AKR7A3: variants seen among roughly 807,000 people sequenced by gnomAD.
The protein encoded by AKR7A3 is AFB1 aldehyde reductase 2.
A neutral mutation model predicts 32.5 loss-of-function variants in AKR7A3; 37 were observed. The ratio of observed to expected loss-of-function variants is 1.14; its 90% CI spans 0.88 to 1.50. AKR7A3 has a LOEUF of 1.50. AKR7A3 is among the 40% of genes most tolerant of loss of function. The probability of loss-of-function intolerance (pLI) is 0.00; values close to 1 mark genes in which losing one functional copy is unlikely to be tolerated. For synonymous variants in AKR7A3, 177 were observed against 188.4 expected (o/e 0.94, Z 0.50); for missense variants, 412 against 453.2 (o/e 0.91, Z 0.83).
chr1:19,288,369 G>A, intron 1 of AKR7A3, 127 bp downstream of exon 1: 11 of 1,211,544 alleles, frequency 9.1e-6, no homozygotes, highest in South Asian at 1.5e-5. Flanking sequence ...AGGTGAACAG[G>A]GGTGGGGGCG....
rs1160190570 is a variant in AKR7A3 at position 19,288,634 on chromosome 1, G to C, written c.76C>G (p.Pro26Ala). The change falls in exon 1 of 7, where the codon CCC becomes GCC. Residue 26 changes from proline to alanine, a missense_variant. Pro to Ala is a conservative substitution (Grantham distance 27). Coordinates refer to ENST00000361640, the MANE Select transcript of AKR7A3 (RefSeq NM_012067.3). ...AMEMGRRMDA[P>A]TSAAVTRAFL... is the part of the protein sequence containing the mutation. ...GCGCGCGTGACTGCGGCGCTGGTGGGCGCGTCCATGCGGCGCCCCATCTCC... is the reference window on the plus strand; with the variant it reads ...GCGCGCGTGACTGCGGCGCTGGTGGCCGCGTCCATGCGGCGCCCCATCTCC... 16 of 1,551,728 alleles carry C rather than the reference G, an allele frequency of 1.0e-5. No individual in the cohort carries two copies. The highest frequency in any genetic ancestry group is 2.6e-6 in the Non-Finnish European group (3 of 1,150,006).
chr1:19,283,337 C>T (rs1187679556), intron 6 of AKR7A3, among the ~76,000 whole-genome samples: 1 of 151,754 alleles, frequency 6.6e-6, no homozygotes, highest in Non-Finnish European at 1.5e-5. Context: ...GAGAGGGAAA[C>T]TCCAGCTCCC....
chr1:19,288,034 C>T (rs2093733962), intron 1 of AKR7A3, among the ~76,000 whole-genome samples: 1 of 152,164 alleles, frequency 6.6e-6, no homozygotes. Flanking sequence ...AAGGAGGAAG[C>T]AGATAGTGTG....
chr1:19,288,644 GCGGCGCC>G lies in AKR7A3; in HGVS notation c.59_65del (p.Gly20AlafsTer22), dbSNP rs2093735539. ...CTGCGGCGCTGGTGGGCGCGTCCATGCGGCGCCCCATCTCCATGGCGCCCAGCACCGT... is the reference window on the plus strand; with the variant it reads ...CTGCGGCGCTGGTGGGCGCGTCCATGCCATCTCCATGGCGCCCAGCACCGT... On this transcript the variant is annotated frameshift_variant, in exon 1 of 7. Transcript: ENST00000361640. LOFTEE classifies it high-confidence loss of function. The G allele has an allele frequency of 6.4e-7, 1 of 1,551,790 alleles. No individual in the cohort carries two copies. The highest frequency in any genetic ancestry group is 8.7e-7 in the Non-Finnish European group (1 of 1,150,670).
the AKR7A3 span, among the ~76,000 whole-genome samples, chr1:19,276,880 G>GA: frequency 6.6e-6 from 1 of 151,800 alleles, no homozygotes; most frequent in Non-Finnish European, 1.5e-5. Flanking sequence ...TGGAGGTTGA[G>GA]GCAGGCAGAT....
At chr1:19,284,271 G>T (rs2093724736) in intron 5 of AKR7A3, 146 bp from the exon 6 acceptor site, 3 of 1,186,518 alleles carry the variant, frequency 2.5e-6, no homozygotes, top group African/African-American at 3.1e-5. Flanking sequence ...ACTTTGCTGG[G>T]CAAGAGAACC....
At chr1:19,274,899 C>CAAAAAAAAAAAAAAAAA in the AKR7A3 span, among the ~76,000 whole-genome samples, 1,919 of 43,752 alleles carry the variant, frequency 0.044, 439 homozygotes, top group Non-Finnish European at 0.052. Flanking sequence ...TCTCTAAATA[C>CAAAAAAAAAAAAAAAAA]AAAAAAAAAA....
chr1:19,287,355 C>G (rs1333972817), intron 1 of AKR7A3, among the ~76,000 whole-genome samples: 1 of 151,402 alleles, frequency 6.6e-6, no homozygotes, highest in East Asian at 1.9e-4. Flanking sequence ...CACTGAGTGG[C>G]AGCCGGGTGA....
chr1:19,284,919 A>G, intron 4 of AKR7A3, 99 bp downstream of exon 4: 1 of 1,581,794 alleles, frequency 6.3e-7, no homozygotes. Context: ...TTGACCTCAG[A>G]GGTCAAAGTT....
chr1:19,288,696 A>G lies in AKR7A3; in HGVS notation c.14T>C (p.Leu5Pro). 6.6e-7 allele frequency: 1 copy of G among 1,507,222 alleles called. No homozygotes were observed. Among genetic ancestry groups the G allele is most frequent in the Non-Finnish European group, 8.8e-7 (1 of 1,129,986 alleles). 93.4% of individuals were successfully genotyped at this position (1,507,222 alleles called of 1,614,324 possible). ...CACCGTGGCTGGCCGGGCCCGCGAC[A>G]GCTGCCGGGACATGACGGCGGCAAC... is the stretch of plus-strand genomic sequence containing the variant. MSRQ[L>P]SRARPATVLG... The change falls in exon 1 of 7, where the codon CTG becomes CCG. Residue 5 changes from leucine (L) to proline (P), a missense_variant. Leu to Pro is a moderately conservative substitution (Grantham distance 98). Transcript: ENST00000361640.
downstream of AKR7A3, among the ~76,000 whole-genome samples, chr1:19,281,291 G>A (rs1442510421): frequency 1.3e-5 from 2 of 151,762 alleles, no homozygotes; most frequent in African/African-American, 2.4e-5. Context: ...GGTATCCTGG[G>A]TGCCCTGAAT....
At chr1:19,274,414 C>T in the AKR7A3 span, among the ~76,000 whole-genome samples, 1 of 151,864 alleles carries the variant, frequency 6.6e-6, no homozygotes, top group Non-Finnish European at 1.5e-5. Context: ...CCTCCCTGCC[C>T]CGTCGTCCCC....
In AKR7A3 at chr1:19,288,703, G is replaced by A. The variant is rs2093735760; in HGVS notation, c.7C>T (p.Arg3Trp). 4.0e-6 allele frequency: 6 copies of A among 1,495,554 alleles called. No homozygotes were observed. The highest frequency in any genetic ancestry group is 5.3e-6 in the Non-Finnish European group (6 of 1,125,118). 92.6% of individuals were successfully genotyped at this position (1,495,554 alleles called of 1,614,324 possible). The change falls in exon 1 of 7, where the codon CGG (arginine) becomes TGG (tryptophan). Residue 3 changes from arginine to tryptophan, a missense_variant. Transcript: ENST00000361640. ...GCTGGCCGGGCCCGCGACAGCTGCC[G>A]GGACATGACGGCGGCAACGGGAGAC... MS[R>W]QLSRARPATV... is the part of the protein sequence containing the mutation.
the AKR7A3 span, among the ~76,000 whole-genome samples, chr1:19,276,091 C>T: frequency 1.3e-5 from 2 of 151,624 alleles, no homozygotes; most frequent in Non-Finnish European, 2.9e-5. Flanking sequence ...GCCCAGGCGC[C>T]GTGGCTCACG....
the AKR7A3 span, among the ~76,000 whole-genome samples, chr1:19,277,502 T>C: frequency 1.2e-4 from 18 of 151,402 alleles, no homozygotes; most frequent in Admixed American, 5.9e-4. Flanking sequence ...AGAAGAAATA[T>C]CTCAAATCAA....
chr1:19,285,147 G>A, intron 3 of AKR7A3, 33 bp from the exon 4 acceptor site: 1 of 1,603,098 alleles, frequency 6.2e-7, no homozygotes, highest in South Asian at 1.1e-5. Context: ...GGAGAGGGTG[G>A]ATGTGTCAAA....
At chr1:19,287,350 AGTGGCAGCCGGGTGATCTAGAAAGAGC>A (rs2093732535) in intron 1 of AKR7A3, among the ~76,000 whole-genome samples, 1 of 151,108 alleles carries the variant, frequency 6.6e-6, no homozygotes, top group Non-Finnish European at 1.5e-5. Context: ...GCTCTCACTG[AGTGGCAGCCGGGTGATCTAGAAAGAGC>A]GTGGCACTGG....
downstream of AKR7A3, among the ~76,000 whole-genome samples, chr1:19,279,847 T>A (rs944642262): frequency 5.3e-5 from 8 of 152,022 alleles, no homozygotes; most frequent in African/African-American, 2.4e-5. Flanking sequence ...GCAGGCCGCA[T>A]GCAGCCCAAA....
chr1:19,284,592 C>T (rs892073397), intron 5 of AKR7A3, 94 bp downstream of exon 5: 21 of 1,315,516 alleles, frequency 1.6e-5, no homozygotes, highest in East Asian at 6.9e-5. Flanking sequence ...GGTGCAGCAG[C>T]GAGGAAAGGC....
Sources: gnomAD v4.1 joint callset for allele counts (sites outside exome capture counted in the v4.1 genomes callset) on GRCh38, gnomAD v4.1.1 for gene constraint, MANE v1.5 for transcripts, NCBI Gene and HGNC (gene_info 2026-07-23, HGNC 2026-07-21) for gene names.